The following BMPR2 variants were observed in gnomAD, a reference collection of about 807,000 sequenced individuals.
BMPR2 encodes bone morphogenetic protein receptor type-2.
A neutral mutation model predicts 100.8 loss-of-function variants in BMPR2; 29 were observed. The observed-to-expected ratio is 0.29, with a 90% CI of 0.21 to 0.39. The LOEUF (loss-of-function observed/expected upper bound fraction) is 0.39, where lower values mean the gene tolerates loss of function less well. Ranked by LOEUF, BMPR2 falls within the 10% of genes least tolerant of loss-of-function variation. BMPR2 has a pLI of 1.00. For missense variants in BMPR2, 1,011 were observed against 1,274.5 expected (o/e 0.79, Z 3.15); for synonymous variants, 382 against 442.3 (o/e 0.86, Z 1.71).
chr2:202,529,850 G>T (rs1687984714), intron 7 of BMPR2, among the ~76,000 whole-genome samples: 1 of 152,036 alleles, frequency 6.6e-6, no homozygotes, highest in Non-Finnish European at 1.5e-5. Context: ...TAAATGTATT[G>T]ACTTTGTTCT....
At chr2:202,516,691 G>C (rs557465784) in intron 5 of BMPR2, among the ~76,000 whole-genome samples, 1 of 152,042 alleles carries the variant, frequency 6.6e-6, no homozygotes, top group African/African-American at 2.4e-5. Flanking sequence ...ATTCACAAAA[G>C]AAGTAAGTGT....
intron 1 of BMPR2, among the ~76,000 whole-genome samples, chr2:202,386,932 C>T (rs1316038937): frequency 2.0e-5 from 3 of 152,170 alleles, no homozygotes; most frequent in African/African-American, 4.8e-5. Flanking sequence ...ATCTGCCCAC[C>T]TCGGCCTCCC....
At chr2:202,523,454 A>G (rs998193950) in intron 7 of BMPR2, among the ~76,000 whole-genome samples, 6 of 152,224 alleles carry the variant, frequency 3.9e-5, no homozygotes, top group African/African-American at 1.2e-4. Flanking sequence ...ACTATCCACA[A>G]TAGCAAAGAT....
intron 7 of BMPR2, among the ~76,000 whole-genome samples, chr2:202,530,278 G>GAAAAGC (rs1322195057): frequency 6.6e-6 from 1 of 152,158 alleles, no homozygotes; most frequent in African/African-American, 2.4e-5. Flanking sequence ...AAAACTATTT[G>GAAAAGC]TGGTTAGATT....
rs537974476 is a variant in BMPR2, at chr2:202,480,127, T to A, written c.418+12438T>A. ...ATTTTGTCACTCTGAAACCATTTTC[T>A]TTTTCTTTTTCTTTTTTTTCTTTTA... On this transcript the variant is annotated intron_variant, in intron 3 of 12. Transcript: ENST00000374580. Among the ~76,000 whole-genome samples, 3 of 150,742 alleles carry A rather than the reference T, an allele frequency of 2.0e-5. No homozygotes were observed. In the South Asian group the frequency reaches 6.2e-4, roughly 31 times the overall value.
chr2:202,449,368 T>A (rs1398341292), intron 1 of BMPR2, among the ~76,000 whole-genome samples: 2 of 151,886 alleles, frequency 1.3e-5, no homozygotes, highest in East Asian at 3.9e-4. Flanking sequence ...ATAACAGACC[T>A]GAGACTGCTA....
chr2:202,448,870 A>G (rs914199255), intron 1 of BMPR2, among the ~76,000 whole-genome samples: 14 of 151,782 alleles, frequency 9.2e-5, no homozygotes, highest in African/African-American at 3.1e-4. Context: ...AGGAGAGAAC[A>G]ATATATCTTA....
At position 202,545,941 on chromosome 2, in the gene BMPR2, A is replaced by G. The variant is rs13391646; in HGVS notation, c.1413+3494A>G. On this transcript the variant is annotated intron_variant, in intron 10 of 12. Coordinates refer to ENST00000374580, the MANE Select transcript of BMPR2 (RefSeq NM_001204.7). ...TATCCCTAAAAGAAAAATCTGTGAA[A>G]TTTTATTCTAGTAAAATACAACTTC... Among the ~76,000 whole-genome samples, 202 of 152,306 alleles carry G rather than the reference A, an allele frequency of 1.3e-3. 2 individuals carry two copies. Among genetic ancestry groups the G allele is most frequent in the African/African-American group, 4.6e-3 (191 of 41,562 alleles).
At chr2:202,479,463 TA>T (rs941800159) in intron 3 of BMPR2, among the ~76,000 whole-genome samples, 9 of 151,130 alleles carry the variant, frequency 6.0e-5, no homozygotes, top group South Asian at 4.1e-4. Flanking sequence ...ATTTTTTTAA[TA>T]AAAAAAAGTA....
intron 5 of BMPR2, among the ~76,000 whole-genome samples, 184 bp downstream of exon 5, chr2:202,515,163 A>G (rs909728407): frequency 1.3e-5 from 2 of 152,156 alleles, no homozygotes; most frequent in Admixed American, 6.5e-5. Flanking sequence ...TGGGGCTTCT[A>G]TTTGAATTGG....
At chr2:202,424,523 C>T (rs1691343302) in intron 1 of BMPR2, among the ~76,000 whole-genome samples, 1 of 151,990 alleles carries the variant, frequency 6.6e-6, no homozygotes, top group Admixed American at 6.6e-5. Flanking sequence ...CAGTGAAACC[C>T]CGTCTCTACT....
intron 3 of BMPR2, among the ~76,000 whole-genome samples, chr2:202,488,068 C>T (rs1379475494): frequency 6.6e-6 from 1 of 152,194 alleles, no homozygotes; most frequent in Admixed American, 6.5e-5. Flanking sequence ...TGTATTTATT[C>T]ATGTATCCAT....
At chr2:202,485,545 C>CTTTTTTTATTTTTTTTTTTTTTTTTTT (rs1692757293) in intron 3 of BMPR2, among the ~76,000 whole-genome samples, 1 of 64,008 alleles carries the variant, frequency 1.6e-5, no homozygotes, top group Non-Finnish European at 2.7e-5. Context: ...TTGCCTTTAT[C>CTTTTTTTATTTTTTTTTTTTTTTTTTT]TTTTTTTTTT....
At chr2:202,377,673 A>C in intron 1 of BMPR2, 123 bp downstream of exon 1, 1 of 1,174,194 alleles carries the variant, frequency 8.5e-7, no homozygotes, top group Non-Finnish European at 1.2e-6. Flanking sequence ...GGTGCAGCGG[A>C]GCTGCGACCC....
chr2:202,508,070 CTATTATTATTATTATTATTAT>C (rs4032712), intron 3 of BMPR2, among the ~76,000 whole-genome samples: 10 of 139,772 alleles, frequency 7.2e-5, no homozygotes, highest in Admixed American at 3.6e-4. Context: ...TCATTTGAGG[CTATTATTATTATTATTATTAT>C]TATTATTATT....
intron 3 of BMPR2, among the ~76,000 whole-genome samples, chr2:202,505,674 GC>G (rs1407658394): frequency 6.6e-6 from 1 of 151,996 alleles, no homozygotes; most frequent in Non-Finnish European, 1.5e-5. Context: ...GGTGGTGCTG[GC>G]ACTCTATAAC....
chr2:202,428,382 TTC>T (rs72445138), intron 1 of BMPR2, among the ~76,000 whole-genome samples: 7,214 of 150,506 alleles, frequency 0.048, 600 homozygotes, highest in African/African-American at 0.17. Flanking sequence ...CTCCTTCTGT[TTC>T]TCTCTCTCTC....
Position 202,564,759 on chromosome 2 carries a change from ATAGT to A in BMPR2, c.*4817_*4820del, listed in dbSNP as rs1482286806. Reference sequence around the variant, plus strand: ...CCCATTACTTTCCTTAAATCACCTCATAGTTAGGCTGGGCGCGGTGGCTCACGCC... The same window carrying A: ...CCCATTACTTTCCTTAAATCACCTCATAGGCTGGGCGCGGTGGCTCACGCC... On this transcript the variant is annotated 3_prime_UTR_variant, in exon 13 of 13. Coordinates refer to ENST00000374580, the MANE Select transcript of BMPR2 (RefSeq NM_001204.7). 2.6e-5 allele frequency: 4 copies of A among 152,208 alleles called. No homozygotes were observed. The highest frequency in any genetic ancestry group is 1.9e-4 in the East Asian group (1 of 5,192). 9.4% of individuals were successfully genotyped at this position (152,208 alleles called of 1,614,324 possible).
chr2:202,518,659 T>G (rs777805004), intron 5 of BMPR2, among the ~76,000 whole-genome samples, 163 bp from the exon 6 acceptor site: 12 of 152,166 alleles, frequency 7.9e-5, no homozygotes, highest in Non-Finnish European at 1.6e-4. Flanking sequence ...GGTAGGAGCT[T>G]CATCAGCCAT....
Sources: gnomAD v4.1 joint callset for allele counts (sites outside exome capture counted in the v4.1 genomes callset) on GRCh38, gnomAD v4.1.1 for gene constraint, MANE v1.5 for transcripts, NCBI Gene and HGNC (gene_info 2026-07-23, HGNC 2026-07-21) for gene names.